HS6ST3: variants seen among roughly 807,000 people sequenced by gnomAD.
HS6ST3 encodes heparan-sulfate 6-O-sulfotransferase 3.
A neutral mutation model predicts 36.7 loss-of-function variants in HS6ST3; 12 were observed. The observed-to-expected ratio is 0.33, with a 90% CI of 0.21 to 0.53. HS6ST3 has a LOEUF of 0.53. Among genes scored for constraint, HS6ST3 ranks in the 20% least tolerant of loss-of-function variants. The pLI, the probability that HS6ST3 is intolerant of heterozygous loss-of-function variation, is 0.95. For synonymous variants in HS6ST3, 240 were observed against 257.5 expected, an observed-to-expected ratio of 0.93 and a Z score of 0.65; for missense variants, 584 against 640.9, an observed-to-expected ratio of 0.91 and a Z score of 0.96.
intron 1 of HS6ST3, among the ~76,000 whole-genome samples, chr13:96,432,986 A>T (rs1323204496): frequency 6.6e-6 from 1 of 152,202 alleles, no homozygotes; most frequent in Admixed American, 6.6e-5. Flanking sequence ...CTCATCTTTG[A>T]CTTTAAATCC....
intron 1 of HS6ST3, among the ~76,000 whole-genome samples, chr13:96,207,783 C>T (rs1043890324): frequency 1.3e-5 from 2 of 152,112 alleles, no homozygotes; most frequent in Admixed American, 6.5e-5. Flanking sequence ...GATGAGAATG[C>T]ATGGGCACGT....
chr13:96,327,147 G>A (rs1380083125), intron 1 of HS6ST3, among the ~76,000 whole-genome samples: 7 of 149,558 alleles, frequency 4.7e-5, no homozygotes, highest in East Asian at 3.9e-4. Context: ...CACTCTGATG[G>A]TAGTTTCTTT....
rs569146703 is a variant in HS6ST3, at chr13:96,790,875, T to TC, written c.708-41615_708-41614insC. 9.2e-5 allele frequency among the ~76,000 whole-genome samples: 14 copies of TC among 152,212 alleles called. No individual in the cohort carries two copies. In the South Asian group the frequency reaches 2.9e-3, roughly 32 times the overall value. On this transcript the variant is annotated intron_variant, in intron 1 of 1. Transcript: ENST00000376705. ...AATTAATTCCCTCACAAAATTCTGATAAATGTTTACCTAAACATTTAAACA... is the reference window on the plus strand; with the variant it reads ...AATTAATTCCCTCACAAAATTCTGATCAAATGTTTACCTAAACATTTAAACA...
intron 1 of HS6ST3, among the ~76,000 whole-genome samples, chr13:96,389,009 T>C (rs897991773): frequency 6.6e-6 from 1 of 152,162 alleles, no homozygotes; most frequent in Non-Finnish European, 1.5e-5. Context: ...TAACCTAACA[T>C]AGCTGGAAAA....
intron 1 of HS6ST3, among the ~76,000 whole-genome samples, chr13:96,356,555 G>C (rs9556571): frequency 6.6e-6 from 1 of 152,124 alleles, no homozygotes; most frequent in Admixed American, 6.6e-5. Flanking sequence ...TCAATGAGTA[G>C]TAATCATTTG....
intron 1 of HS6ST3, among the ~76,000 whole-genome samples, chr13:96,398,365 C>T (rs2055432814): frequency 6.6e-6 from 1 of 152,200 alleles, no homozygotes; most frequent in Non-Finnish European, 1.5e-5. Context: ...TCACTGCAAC[C>T]TCTGCCTCCT....
rs551476025 is a variant in HS6ST3, at chr13:96,576,879, G to A, written c.708-255611G>A. The stretch of plus-strand genomic sequence containing the variant: ...GAATCGCTTGAACCCAGGAGGCAAA[G>A]GTTGCAGTGAGCTGAGATCGCGCCA... On this transcript the variant is annotated intron_variant, in intron 1 of 1. Transcript: ENST00000376705. 6.6e-4 allele frequency among the ~76,000 whole-genome samples: 94 copies of A among 141,662 alleles called. 1 individual carries two copies. The highest frequency in any genetic ancestry group is 1.7e-3 in the Admixed American group (24 of 13,824). 92.9% of individuals were successfully genotyped at this position (141,662 alleles called of 152,430 possible). A position where few individuals can be genotyped will look rare whatever the true frequency, so the allele number is the denominator to read the frequency against.
intron 1 of HS6ST3, among the ~76,000 whole-genome samples, chr13:96,164,528 G>C (rs1379196788): frequency 1.3e-5 from 2 of 150,916 alleles, no homozygotes; most frequent in African/African-American, 2.4e-5. Flanking sequence ...CTGCACTCTA[G>C]CCTGGGAGAC....
chr13:96,185,900 G>A (rs925759514), intron 1 of HS6ST3, among the ~76,000 whole-genome samples: 1 of 152,174 alleles, frequency 6.6e-6, no homozygotes, highest in African/African-American at 2.4e-5. Flanking sequence ...TTATTCGCAT[G>A]TACAGAACCT....
Position 96,595,688 on chromosome 13 carries a change from G to A in HS6ST3, c.708-236802G>A, listed in dbSNP as rs145954570. On this transcript the variant is annotated intron_variant, in intron 1 of 1. Transcript: ENST00000376705. ...TGACTTGAATATTTGATTTTTTGAT[G>A]TTGTTTCATGAATCCTTTCTTCATT... 5.5e-3 allele frequency among the ~76,000 whole-genome samples: 831 copies of A among 151,642 alleles called. 5 individuals carry two copies. The highest frequency in any genetic ancestry group is 0.019 in the African/African-American group (784 of 41,380).
intron 1 of HS6ST3, among the ~76,000 whole-genome samples, chr13:96,653,970 A>G (rs1332293961): frequency 6.7e-6 from 1 of 150,136 alleles, no homozygotes. Flanking sequence ...GATGGTGAGC[A>G]TTTTTTCATA....
intron 1 of HS6ST3, among the ~76,000 whole-genome samples, chr13:96,705,034 T>A (rs1875383301): frequency 1.3e-5 from 2 of 152,222 alleles, no homozygotes; most frequent in South Asian, 4.1e-4. Context: ...CATATACTCC[T>A]GCCCTCCTGT....
Position 96,614,239 on chromosome 13 carries a change from A to G in HS6ST3, c.708-218251A>G, listed in dbSNP as rs377065336. Among the ~76,000 whole-genome samples the G allele has an allele frequency of 4.4e-5, 6 of 136,844 alleles. No homozygotes were observed. The East Asian group carries it at 1.5e-3, about 34-fold the overall frequency. 89.8% of individuals were successfully genotyped at this position (136,844 alleles called of 152,430 possible). A position where few individuals can be genotyped will look rare whatever the true frequency, so the allele number is the denominator to read the frequency against. ...CGAGAACCCGGGAGGCGGAGCTTGC[A>G]GTGAGCTGAGATCGCACCACTGCAC... On this transcript the variant is annotated intron_variant, in intron 1 of 1. Coordinates refer to ENST00000376705, the MANE Select transcript of HS6ST3 (RefSeq NM_153456.4).
At position 96,500,517 on chromosome 13, in the gene HS6ST3, C is replaced by T. The variant is rs72641857; in HGVS notation, c.708-331973C>T. Among the ~76,000 whole-genome samples, 834 of 152,220 alleles carry T rather than the reference C, an allele frequency of 5.5e-3. 7 individuals carry two copies. The highest frequency in any genetic ancestry group is 0.02 in the Middle Eastern group (6 of 294). ...TAGACTGAAGGGAGCCAAAGGTATA[C>T]GTGGGGGGACCAAGTTAGTAGGCTG... On this transcript the variant is annotated intron_variant, in intron 1 of 1. Transcript: ENST00000376705.
intron 1 of HS6ST3, among the ~76,000 whole-genome samples, chr13:96,187,456 C>A (rs946261912): frequency 6.6e-6 from 1 of 152,174 alleles, no homozygotes; most frequent in Non-Finnish European, 1.5e-5. Flanking sequence ...GAATATGAAG[C>A]AGTTTGCCCC....
At chr13:96,266,883 T>C (rs1467116247) in intron 1 of HS6ST3, among the ~76,000 whole-genome samples, 3 of 152,174 alleles carry the variant, frequency 2.0e-5, no homozygotes, top group Non-Finnish European at 4.4e-5. Flanking sequence ...ATGGTCAGTC[T>C]GCGTATCCTG....
chr13:96,475,826 C>T (rs1362476224), intron 1 of HS6ST3, among the ~76,000 whole-genome samples: 5 of 151,984 alleles, frequency 3.3e-5, no homozygotes, highest in African/African-American at 9.7e-5. Context: ...TGGCCATATG[C>T]GAGAATGAGG....
chr13:96,716,390 T>C (rs553468409), intron 1 of HS6ST3, among the ~76,000 whole-genome samples: 10 of 152,296 alleles, frequency 6.6e-5, no homozygotes, highest in Middle Eastern at 3.4e-3. Context: ...GGCTTTATAT[T>C]AAACAGTTAT....
At chr13:96,554,444 C>T (rs973134307) in intron 1 of HS6ST3, among the ~76,000 whole-genome samples, 1 of 152,138 alleles carries the variant, frequency 6.6e-6, no homozygotes, top group Non-Finnish European at 1.5e-5. Context: ...AGAATGTAAA[C>T]AGCTTAAAAT....
Sources: allele counts gnomAD v4.1 joint callset (sites outside exome capture counted in the v4.1 genomes callset), GRCh38; gene constraint gnomAD v4.1.1; transcripts MANE v1.5; gene names NCBI Gene and HGNC (gene_info 2026-07-23, HGNC 2026-07-21).